WDCP: variants seen among roughly 807,000 people sequenced by gnomAD.
WDCP encodes WD repeat and coiled-coil-containing protein.
WDCP carries 19 observed loss-of-function variants against 41.6 expected under a neutral mutation model. That is an observed-to-expected ratio of 0.46 (90% CI 0.32 to 0.67). The LOEUF (loss-of-function observed/expected upper bound fraction) is 0.67, where lower values mean the gene tolerates loss of function less well. Ranked by LOEUF, WDCP falls within the 30% of genes least tolerant of loss-of-function variation. WDCP has a pLI of 0.04. For missense variants in WDCP, 802 were observed against 850.7 expected, an observed-to-expected ratio of 0.94 and a Z score of 0.71; for synonymous variants, 302 against 320.8, an observed-to-expected ratio of 0.94 and a Z score of 0.63.
chr2:24,043,276 C>T (rs1558337331), intron 1 of WDCP, among the ~76,000 whole-genome samples: 1 of 152,134 alleles, frequency 6.6e-6, no homozygotes, highest in Admixed American at 6.5e-5. Flanking sequence ...GCAGATGTTA[C>T]GGTAAGCCAA....
Position 24,038,468 on chromosome 2 carries a change from C to T in WDCP, c.1027G>A (p.Asp343Asn). 6.2e-7 allele frequency: 1 copy of T among 1,614,212 alleles called. No individual in the cohort carries two copies. The highest frequency in any genetic ancestry group is 8.5e-7 in the Non-Finnish European group (1 of 1,180,044). ...GCTTTAAGATTAAATGCTATCAGAT[C>T]AGGAACCAGAATGCCTGGAATAGTG... ...KVTIPGILVP[D>N]LIAFNLKAHV... Residue 343 changes from aspartate (D) to asparagine (N), a missense_variant, in exon 2 of 4, where the codon GAT becomes AAT. Physicochemically the swap from Asp to Asn is conservative, Grantham distance 23 (BLOSUM62 1). Around this residue, in one of 5 missense-constraint regions of WDCP, gnomAD observed 247 missense variants for 240.5 expected, o/e 1.03. Coordinates refer to ENST00000295148, the MANE Select transcript of WDCP (RefSeq NM_025203.3).
Position 24,038,751 on chromosome 2 carries a change from C to T in WDCP, c.744G>A (p.Pro248=), listed in dbSNP as rs529509234. The part of the protein sequence containing the change: ...NIPPNSKDMT[P]YALPVIGEVR... ...CTTCACCAATAACTGGTAAAGCATA[C>T]GGAGTCATGTCTTTACTGTTAGGTG... Residue 248 remains proline (P), a synonymous_variant, in exon 2 of 4, where the codon CCG becomes CCA. Transcript: ENST00000295148. The T allele has an allele frequency of 3.8e-5, 61 of 1,614,128 alleles. No individual in the cohort carries two copies. Among genetic ancestry groups the T allele is most frequent in the Non-Finnish European group, 4.5e-5 (53 of 1,179,990 alleles).
At chr2:24,034,789 G>T (rs1663193286) in intron 2 of WDCP, among the ~76,000 whole-genome samples, 1 of 151,878 alleles carries the variant, frequency 6.6e-6, no homozygotes, top group Admixed American at 6.6e-5. Context: ...TGCCCAGGCT[G>T]GTCTCGAACT....
At chr2:24,042,630 AC>A (rs1663481665) in intron 1 of WDCP, among the ~76,000 whole-genome samples, 1 of 150,546 alleles carries the variant, frequency 6.6e-6, no homozygotes, top group Admixed American at 6.6e-5. Flanking sequence ...AATCGCTTGA[AC>A]CCGGGAGGTG....
In WDCP at chr2:24,030,294, T is replaced by C. The variant is rs189498903; in HGVS notation, c.*639A>G. 13 of 152,228 alleles carry C rather than the reference T, an allele frequency of 8.5e-5. No homozygotes were observed. Among genetic ancestry groups the C allele is most frequent in the African/African-American group, 3.1e-4 (13 of 41,526 alleles). The allele number at this position is 152,228 out of a possible 1,614,324, so 9.4% of individuals were successfully genotyped here. On this transcript the variant is annotated 3_prime_UTR_variant, in exon 4 of 4. Coordinates refer to ENST00000295148, the MANE Select transcript of WDCP (RefSeq NM_025203.3). The stretch of plus-strand genomic sequence containing the variant: ...ATTCCCTTGAAATTTCATTCAAAAT[T>C]TTCCCAGGGCCAGTTTTTAAGAGTA...
intron 2 of WDCP, chr2:24,033,323 A>G (rs568203094): frequency 2.1e-5 from 7 of 334,098 alleles, no homozygotes; most frequent in South Asian, 1.9e-4. Flanking sequence ...AGGAAAAAAA[A>G]TGCCGAGAGA....
intron 2 of WDCP, among the ~76,000 whole-genome samples, chr2:24,037,264 C>A (rs1382818742): frequency 4.6e-5 from 7 of 152,230 alleles, no homozygotes; most frequent in Admixed American, 4.6e-4. Context: ...CTCAGGTGAT[C>A]CACTTGCCTC....
rs536593579 is a variant in WDCP, at chr2:24,031,215, G to A, written c.1937-53C>T. The A allele has an allele frequency of 2.2e-6, 3 of 1,357,750 alleles. No homozygotes were observed. The Admixed American group carries it at 6.2e-5, about 28-fold the overall frequency. 84.1% of individuals were successfully genotyped at this position (1,357,750 alleles called of 1,614,324 possible). On this transcript the variant is annotated intron_variant, in intron 3 of 3. Transcript: ENST00000295148. ...ATTTAGTATATATTATTCTTATGAT[G>A]AAACATATGACTACAAATTTTTTTT...
chr2:24,030,924 C>T lies in WDCP; in HGVS notation c.*9G>A, dbSNP rs1394133718. 6 of 1,599,752 alleles carry T rather than the reference C, an allele frequency of 3.8e-6. No individual in the cohort carries two copies. In the East Asian group the frequency reaches 1.1e-4, roughly 30 times the overall value. ...TCTGAAGAGCTACACAGCAAGGACA[C>T]TGCAGATATCAAGCCATGCCATCTA... On this transcript the variant is annotated 3_prime_UTR_variant, in exon 4 of 4. Coordinates refer to ENST00000295148, the MANE Select transcript of WDCP (RefSeq NM_025203.3).
chr2:24,039,617 G>T (rs918692330), intron 1 of WDCP, 105 bp from the exon 2 acceptor site: 10 of 981,430 alleles, frequency 1.0e-5, no homozygotes, highest in Non-Finnish European at 1.5e-5. Context: ...GGTTAATAAT[G>T]TGGAGAGACA....
chr2:24,046,298 T>G (rs188575651), intron 1 of WDCP, among the ~76,000 whole-genome samples: 3 of 152,328 alleles, frequency 2.0e-5, no homozygotes, highest in Non-Finnish European at 4.4e-5. Flanking sequence ...CCTCACTGTA[T>G]AAGATCAGAG....
At chr2:24,036,495 T>C (rs1663261075) in intron 2 of WDCP, among the ~76,000 whole-genome samples, 1 of 152,204 alleles carries the variant, frequency 6.6e-6, no homozygotes, top group African/African-American at 2.4e-5. Context: ...TGATGCACTG[T>C]TAAGTAAAAA....
At chr2:24,032,170 A>AT (rs2150946671) in intron 3 of WDCP, among the ~76,000 whole-genome samples, 1 of 152,196 alleles carries the variant, frequency 6.6e-6, no homozygotes, top group Non-Finnish European at 1.5e-5. Context: ...TCAGGAGTTC[A>AT]AGACCAGCCT....
chr2:24,029,483 T>C lies in WDCP; in HGVS notation c.*1450A>G, dbSNP rs999921789. Reference sequence around the variant, plus strand: ...GTTCCCTCTTTAGGCTTCAAGATAATTGTGATTTCATCGCACCCCAGATAC... The same window carrying C: ...GTTCCCTCTTTAGGCTTCAAGATAACTGTGATTTCATCGCACCCCAGATAC... On this transcript the variant is annotated 3_prime_UTR_variant, in exon 4 of 4. Coordinates refer to ENST00000295148, the MANE Select transcript of WDCP (RefSeq NM_025203.3). The C allele has an allele frequency of 6.6e-6, 1 of 152,188 alleles. No homozygotes were observed. The highest frequency in any genetic ancestry group is 2.4e-5 in the African/African-American group (1 of 41,454). 9.4% of individuals were successfully genotyped at this position (152,188 alleles called of 1,614,324 possible). A position where few individuals can be genotyped will look rare whatever the true frequency, so the allele number is the denominator to read the frequency against.
Position 24,038,437 on chromosome 2 carries a change from A to G in WDCP, c.1058T>C (p.Val353Ala). Residue 353 changes from valine to alanine, a missense_variant, in exon 2 of 4, where the codon GTA (valine) becomes GCA (alanine). Physicochemically the swap from Val to Ala is moderately conservative, Grantham distance 64. Around this residue, in one of 5 missense-constraint regions of WDCP, gnomAD observed 247 missense variants for 240.5 expected, o/e 1.03. Transcript: ENST00000295148. Reference protein sequence around the residue: ...DLIAFNLKAHVVAVASNTCNI... With the variant: ...DLIAFNLKAHAVAVASNTCNI... ...ACAAGTGTTGGAAGCCACTGCCACT[A>G]CGTGGGCTTTAAGATTAAATGCTAT... The G allele has an allele frequency of 6.2e-7, 1 of 1,614,178 alleles. No individual in the cohort carries two copies.
intron 1 of WDCP, among the ~76,000 whole-genome samples, chr2:24,042,316 T>C (rs995679310): frequency 3.2e-4 from 49 of 151,970 alleles, no homozygotes; most frequent in African/African-American, 1.1e-3. Flanking sequence ...GGCAGGCGGA[T>C]CACGAGGTCA....
chr2:24,036,948 A>G (rs1411166514), intron 2 of WDCP, among the ~76,000 whole-genome samples: 1 of 152,278 alleles, frequency 6.6e-6, no homozygotes, highest in Non-Finnish European at 1.5e-5. Context: ...TGATAAAAAC[A>G]TGTATAATAT....
intron 2 of WDCP, 39 bp downstream of exon 2, chr2:24,037,638 C>A (rs1177093922): frequency 6.4e-7 from 1 of 1,551,130 alleles, no homozygotes; most frequent in African/African-American, 1.4e-5. Flanking sequence ...GCTGCAGGAG[C>A]TTTTATGTAT....
intron 1 of WDCP, among the ~76,000 whole-genome samples, chr2:24,041,783 G>A (rs1290331555): frequency 6.6e-6 from 1 of 151,012 alleles, no homozygotes; most frequent in Non-Finnish European, 1.5e-5. Context: ...AACCTGGGAG[G>A]GGAGGCGGAG....
Sources: allele counts gnomAD v4.1 joint callset (sites outside exome capture counted in the v4.1 genomes callset), GRCh38; gene constraint gnomAD v4.1.1; regional missense constraint gnomAD v4.1.1; transcripts MANE v1.5; gene names NCBI Gene and HGNC (gene_info 2026-07-23, HGNC 2026-07-21).